CSMD2: variants seen among roughly 807,000 people sequenced by gnomAD.
CSMD2 encodes the protein CUB and sushi domain-containing protein 2.
In CSMD2, 130 loss-of-function variants were observed where a neutral mutation model predicts 398.5. The observed-to-expected ratio is 0.33, with a 90% CI of 0.28 to 0.38. The LOEUF is 0.38. CSMD2 is among the 10% of genes least tolerant of loss of function. The probability of loss-of-function intolerance (pLI) is 1.00; values close to 1 mark genes in which losing one functional copy is unlikely to be tolerated. For synonymous variants in CSMD2, 1,828 were observed against 1,908.5 expected (o/e 0.96, Z 1.10); for missense variants, 3,829 against 4,764.9 (o/e 0.80, Z 5.78).
chr1:34,026,233 T>C (rs541297267), intron 3 of CSMD2, among the ~76,000 whole-genome samples: 44 of 152,294 alleles, frequency 2.9e-4, no homozygotes, highest in African/African-American at 1.0e-3. Context: ...AGTGGCAAGA[T>C]AGGATTTGAT....
chr1:33,890,298 G>C (rs781077075), intron 5 of CSMD2, among the ~76,000 whole-genome samples: 1 of 143,914 alleles, frequency 6.9e-6, no homozygotes. Flanking sequence ...TGGAGCGATC[G>C]TTGCTCACTG....
At chr1:34,146,819 T>C (rs939346056) in intron 1 of CSMD2, among the ~76,000 whole-genome samples, 4 of 151,972 alleles carry the variant, frequency 2.6e-5, no homozygotes, top group African/African-American at 9.7e-5. Context: ...GAGAGTCATA[T>C]AGGTGACAGC....
In CSMD2 at chr1:33,587,110, T is replaced by C. The variant is rs1639136460; in HGVS notation, c.6915A>G (p.Thr2305=). The change falls in exon 45 of 71, where the codon ACA becomes ACG. Residue 2305 remains threonine (T), a synonymous_variant. Coordinates refer to ENST00000373381, the MANE Select transcript of CSMD2 (RefSeq NM_001281956.2). ...TACCTATATTGAATTCTTCATTCTCTGTGACGACTTCGGCGTTGGGGAGGA... is the reference window on the plus strand; with the variant it reads ...TACCTATATTGAATTCTTCATTCTCCGTGACGACTTCGGCGTTGGGGAGGA... ...PTILPNAEVV[T]ENEEFNIGDI... The C allele has an allele frequency of 6.2e-7, 1 of 1,608,578 alleles. No individual in the cohort carries two copies. The highest frequency in any genetic ancestry group is 1.1e-5 in the South Asian group (1 of 89,160).
intron 28 of CSMD2, among the ~76,000 whole-genome samples, chr1:33,650,577 C>G (rs2148963238): frequency 6.6e-6 from 1 of 152,192 alleles, no homozygotes; most frequent in South Asian, 2.1e-4. Flanking sequence ...GGGGGGCTGA[C>G]TGGAGAGGTA....
chr1:34,060,951 A>G (rs1227627977), intron 2 of CSMD2, among the ~76,000 whole-genome samples: 1 of 152,052 alleles, frequency 6.6e-6, no homozygotes, highest in African/African-American at 2.4e-5. Context: ...CCTGGGTCAG[A>G]AAAGTTGGCT....
At chr1:33,783,431 T>TTCTC (rs55769634) in intron 12 of CSMD2, among the ~76,000 whole-genome samples, 2,943 of 135,078 alleles carry the variant, frequency 0.022, 87 homozygotes, top group African/African-American at 0.057. Context: ...CATTCTCTCA[T>TTCTC]TCTCTCTCTC....
intron 1 of CSMD2, among the ~76,000 whole-genome samples, chr1:34,103,678 G>C (rs1482726384): frequency 6.6e-6 from 1 of 152,094 alleles, no homozygotes; most frequent in Non-Finnish European, 1.5e-5. Context: ...ATTTTTAAAT[G>C]AATGAGTGAG....
intron 27 of CSMD2, among the ~76,000 whole-genome samples, chr1:33,654,849 C>T (rs1179721845): frequency 6.6e-6 from 1 of 152,262 alleles, no homozygotes; most frequent in African/African-American, 2.4e-5. Flanking sequence ...CTTAAGTTTG[C>T]CACAGATGGG....
intron 3 of CSMD2, among the ~76,000 whole-genome samples, chr1:33,984,818 GGGAGGGAA>G (rs1348236766): frequency 1.3e-5 from 2 of 149,968 alleles, no homozygotes; most frequent in African/African-American, 2.5e-5. Context: ...GGAGAAGGGA[GGGAGGGAA>G]GGAGGGAAGG....
intron 10 of CSMD2, among the ~76,000 whole-genome samples, chr1:33,800,541 T>G (rs1347875468): frequency 6.6e-6 from 1 of 152,180 alleles, no homozygotes; most frequent in Non-Finnish European, 1.5e-5. Context: ...GGAGGGGCAT[T>G]GGCAGGCAAG....
At chr1:33,642,501 A>G (rs1643170662) in intron 29 of CSMD2, among the ~76,000 whole-genome samples, 1 of 152,314 alleles carries the variant, frequency 6.6e-6, no homozygotes, top group African/African-American at 2.4e-5. Flanking sequence ...AGTGCTCAGA[A>G]GGAGGCAGGG....
intron 2 of CSMD2, among the ~76,000 whole-genome samples, chr1:34,062,284 C>G (rs1197201394): frequency 6.6e-6 from 1 of 152,206 alleles, no homozygotes; most frequent in Non-Finnish European, 1.5e-5. Context: ...CATTTGGACC[C>G]AGCCTAAAAA....
At chr1:33,783,573 G>A (rs1229897416) in intron 12 of CSMD2, among the ~76,000 whole-genome samples, 1 of 151,900 alleles carries the variant, frequency 6.6e-6, no homozygotes, top group African/African-American at 2.4e-5. Context: ...AACCAAATTG[G>A]CCAAATCCTT....
intron 6 of CSMD2, among the ~76,000 whole-genome samples, chr1:33,833,821 T>C (rs1386283030): frequency 1.3e-5 from 2 of 152,112 alleles, no homozygotes; most frequent in African/African-American, 4.8e-5. Context: ...ACAAAATCAA[T>C]GTACAAAAAT....
intron 1 of CSMD2, among the ~76,000 whole-genome samples, chr1:34,123,760 T>A (rs1181450699): frequency 2.6e-5 from 4 of 152,114 alleles, no homozygotes; most frequent in African/African-American, 9.7e-5. Flanking sequence ...GAAGTCTTCC[T>A]CTGTATTGAT....
Position 33,624,938 on chromosome 1 carries a change from G to T in CSMD2, c.5500+113C>A. 1.8e-6 allele frequency: 2 copies of T among 1,126,408 alleles called. No homozygotes were observed. The highest frequency in any genetic ancestry group is 2.6e-6 in the Non-Finnish European group (2 of 763,984). The allele number at this position is 1,126,408 out of a possible 1,614,324, so 69.8% of individuals were successfully genotyped here. On this transcript the variant is annotated intron_variant, in intron 34 of 70. Coordinates refer to ENST00000373381, the MANE Select transcript of CSMD2 (RefSeq NM_001281956.2). The surrounding 1 kb of genome is among the most constrained non-coding windows in gnomAD (Gnocchi z 4.7). ...GGACACCCCACCTCAGCCATGCGGT[G>T]GGAAGCGGCTGCTGTGTGTCGTGGG...
chr1:34,095,761 A>G (rs1390755548), intron 1 of CSMD2, among the ~76,000 whole-genome samples: 1 of 150,966 alleles, frequency 6.6e-6, no homozygotes, highest in Non-Finnish European at 1.5e-5. Flanking sequence ...AATTGTGGCA[A>G]TAATCAATAG....
intron 5 of CSMD2, among the ~76,000 whole-genome samples, chr1:33,853,554 G>T (rs1638860335): frequency 6.6e-6 from 1 of 151,784 alleles, no homozygotes; most frequent in South Asian, 2.1e-4. Flanking sequence ...ACAATAACAA[G>T]TATGACTGGC....
intron 15 of CSMD2, 152 bp from the exon 16 acceptor site, chr1:33,726,837 G>A (rs1215715899): frequency 5.0e-6 from 4 of 792,260 alleles, no homozygotes; most frequent in Non-Finnish European, 7.7e-6. Flanking sequence ...TTGTCTACTG[G>A]GACCTTTATG....
Sources: gnomAD v4.1 joint callset for allele counts (sites outside exome capture counted in the v4.1 genomes callset) on GRCh38, gnomAD v4.1.1 for gene constraint, Gnocchi (gnomAD v3.1) non-coding constraint, MANE v1.5 for transcripts, NCBI Gene and HGNC (gene_info 2026-07-23, HGNC 2026-07-21) for gene names.